The following ARPP21 variants were observed in gnomAD, a reference collection of about 807,000 sequenced individuals.
ARPP21 encodes the protein cAMP-regulated phosphoprotein 21.
ARPP21 carries 69 observed loss-of-function variants against 113.2 expected under a neutral mutation model. The ratio of observed to expected loss-of-function variants is 0.61; its 90% CI spans 0.50 to 0.74. The LOEUF (loss-of-function observed/expected upper bound fraction) is 0.74. ARPP21 is among the 30% of genes least tolerant of loss of function. ARPP21 has a pLI of 0.00. For synonymous variants in ARPP21, 368 were observed against 375.5 expected, an observed-to-expected ratio of 0.98 and a Z score of 0.23; for missense variants, 1,070 against 1,037.4, an observed-to-expected ratio of 1.03 and a Z score of -0.43.
At chr3:35,712,523 TGTGTG>T (rs1559709092) in intron 11 of ARPP21, among the ~76,000 whole-genome samples, 6 of 105,780 alleles carry the variant, frequency 5.7e-5, no homozygotes, top group African/African-American at 2.4e-4. Context: ...TCTGTGTGTG[TGTGTG>T]TGTGTGTGTG....
intron 19 of ARPP21, among the ~76,000 whole-genome samples, chr3:35,783,915 C>T (rs980032251): frequency 1.3e-5 from 2 of 152,152 alleles, no homozygotes; most frequent in African/African-American, 4.8e-5. Flanking sequence ...CTGATTATTT[C>T]CACATTGCCC....
At chr3:35,735,534 G>A (rs1195138836) in intron 15 of ARPP21, among the ~76,000 whole-genome samples, 2 of 152,172 alleles carry the variant, frequency 1.3e-5, no homozygotes, top group South Asian at 4.1e-4. Context: ...TCTTACCCTG[G>A]ATAAGAATGC....
chr3:35,721,616 A>T lies in ARPP21; in HGVS notation c.1007A>T (p.Asp336Val). The change falls in exon 14 of 21, where the codon GAT (aspartate) becomes GTT (valine). Residue 336 changes from aspartate to valine, a missense_variant. Coordinates refer to ENST00000684406, the MANE Select transcript of ARPP21 (RefSeq NM_001385562.1). ...TGGTCGTACTCCAGGGGCAACAGAG[A>T]TGGCTCAGGGAGAACATCTGGGAGT... ...KKRQLFRGNR[D>V]GSGRTSGSRQ... 1.9e-6 allele frequency: 3 copies of T among 1,608,792 alleles called. No individual in the cohort carries two copies. Among genetic ancestry groups the T allele is most frequent in the Non-Finnish European group, 2.6e-6 (3 of 1,175,382 alleles).
chr3:35,675,877 T>C (rs2077364898), intron 1 of ARPP21, among the ~76,000 whole-genome samples: 1 of 151,842 alleles, frequency 6.6e-6, no homozygotes, highest in East Asian at 1.9e-4. Flanking sequence ...GTACTAACCA[T>C]GGAATGTTAC....
chr3:35,684,771 A>AT, intron 5 of ARPP21: 1 of 985,120 alleles, frequency 1.0e-6, no homozygotes, highest in African/African-American at 1.7e-5. Context: ...CCAAAAATAA[A>AT]TTCCTAATAG....
chr3:35,645,682 C>A (rs1280269778), intron 1 of ARPP21, among the ~76,000 whole-genome samples: 1 of 151,886 alleles, frequency 6.6e-6, no homozygotes, highest in African/African-American at 2.4e-5. Context: ...GATAAGCATT[C>A]TTTTACATTT....
At chr3:35,674,522 A>T (rs2077034233) in intron 1 of ARPP21, among the ~76,000 whole-genome samples, 1 of 151,882 alleles carries the variant, frequency 6.6e-6, no homozygotes, top group South Asian at 2.1e-4. Context: ...CACATTAAAA[A>T]ATTATGATGC....
chr3:35,701,168 C>A (rs1249962606), intron 9 of ARPP21, among the ~76,000 whole-genome samples: 4 of 151,464 alleles, frequency 2.6e-5, no homozygotes, highest in South Asian at 2.1e-4. Context: ...AGGGGCCAAA[C>A]AATCTGTAAA....
chr3:35,695,710 A>T (rs2083731033), intron 9 of ARPP21, among the ~76,000 whole-genome samples: 1 of 151,544 alleles, frequency 6.6e-6, no homozygotes, highest in African/African-American at 2.4e-5. Flanking sequence ...TGTAGTAAGG[A>T]GGGGGATACA....
chr3:35,746,876 A>G (rs1331184716), intron 19 of ARPP21, among the ~76,000 whole-genome samples: 1 of 152,216 alleles, frequency 6.6e-6, no homozygotes, highest in African/African-American at 2.4e-5. Flanking sequence ...GAATTTTTGT[A>G]AAGTGAACTG....
intron 19 of ARPP21, among the ~76,000 whole-genome samples, chr3:35,770,188 G>A (rs374466571): frequency 6.6e-6 from 1 of 152,146 alleles, no homozygotes; most frequent in Admixed American, 6.5e-5. Flanking sequence ...TCCCTGCATA[G>A]CCCCAAACTA....
At chr3:35,653,387 A>G (rs1427584082) in intron 1 of ARPP21, among the ~76,000 whole-genome samples, 1 of 152,054 alleles carries the variant, frequency 6.6e-6, no homozygotes, top group African/African-American at 2.4e-5. Flanking sequence ...CATCTAACTA[A>G]GAATCAGGAG....
intron 9 of ARPP21, among the ~76,000 whole-genome samples, chr3:35,695,181 C>T (rs972110467): frequency 5.3e-5 from 8 of 151,220 alleles, no homozygotes; most frequent in Non-Finnish European, 1.0e-4. Context: ...GCATCAAGTG[C>T]GGTGAGAAGC....
intron 7 of ARPP21, 43 bp downstream of exon 7, chr3:35,689,428 A>C (rs1489157436): frequency 1.0e-6 from 1 of 957,066 alleles, no homozygotes; most frequent in South Asian, 1.3e-5. Context: ...AGGATCAAAT[A>C]GAATATTACA....
intron 19 of ARPP21, among the ~76,000 whole-genome samples, chr3:35,785,609 C>T (rs2096615351): frequency 6.6e-6 from 1 of 152,072 alleles, no homozygotes; most frequent in South Asian, 2.1e-4. Context: ...CCTGAGCCTG[C>T]AGTAATAGGA....
chr3:35,790,964 C>T (rs1175503456), intron 19 of ARPP21, among the ~76,000 whole-genome samples: 1 of 152,084 alleles, frequency 6.6e-6, no homozygotes, highest in Non-Finnish European at 1.5e-5. Flanking sequence ...TAGGGCAGAC[C>T]TCTCAAATTG....
intron 11 of ARPP21, among the ~76,000 whole-genome samples, chr3:35,712,835 A>G (rs1266067170): frequency 1.3e-5 from 2 of 152,172 alleles, no homozygotes; most frequent in African/African-American, 4.8e-5. Context: ...GCAAAACTTT[A>G]TATTTAGGCT....
intron 1 of ARPP21, among the ~76,000 whole-genome samples, chr3:35,646,397 G>T (rs529117109): frequency 6.6e-6 from 1 of 152,154 alleles, no homozygotes; most frequent in South Asian, 2.1e-4. Flanking sequence ...AAATCCCAGC[G>T]TTGCTAGCAT....
chr3:35,723,838 C>T (rs369042604), intron 14 of ARPP21, among the ~76,000 whole-genome samples: 5 of 152,118 alleles, frequency 3.3e-5, no homozygotes, highest in Admixed American at 6.5e-5. Flanking sequence ...CATTTGAAAG[C>T]TTGTCAAAGT....
Sources: allele counts gnomAD v4.1 joint callset (sites outside exome capture counted in the v4.1 genomes callset), GRCh38; gene constraint gnomAD v4.1.1; transcripts MANE v1.5; gene names NCBI Gene and HGNC (gene_info 2026-07-23, HGNC 2026-07-21).